Variants in ANK1 observed in about 807,000 individuals in gnomAD.
ANK1 encodes ankyrin-1.
In ANK1, 51 loss-of-function variants were observed where a neutral mutation model predicts 210.4. That is an observed-to-expected ratio of 0.24 (90% CI 0.19 to 0.31). The LOEUF is 0.31. Ranked by LOEUF, ANK1 falls within the 10% of genes least tolerant of loss-of-function variation. ANK1 has a pLI of 1.00. For missense variants in ANK1, 2,051 were observed against 2,504.4 expected, an observed-to-expected ratio of 0.82 and a Z score of 3.86; for synonymous variants, 967 against 1,025.9, an observed-to-expected ratio of 0.94 and a Z score of 1.10.
intron 1 of ANK1, among the ~76,000 whole-genome samples, chr8:41,880,255 G>A (rs1021289772): frequency 1.3e-5 from 2 of 152,174 alleles, no homozygotes; most frequent in Non-Finnish European, 2.9e-5. Flanking sequence ...TTCACGCTCC[G>A]CCGGCGGAGC....
chr8:41,697,657 C>CCTG, intron 24 of ANK1: 1 of 350,160 alleles, frequency 2.9e-6, no homozygotes, highest in Non-Finnish European at 5.6e-6. Flanking sequence ...AGGTGTCCAG[C>CCTG]CCTCCTGCCT....
intron 2 of ANK1, among the ~76,000 whole-genome samples, chr8:41,757,536 T>C (rs912804694): frequency 2.0e-5 from 3 of 152,196 alleles, no homozygotes; most frequent in South Asian, 2.1e-4. Flanking sequence ...TCAGGAGCCC[T>C]GGAGAGCCAG....
At chr8:41,674,626 T>A (rs987267212) in intron 37 of ANK1, among the ~76,000 whole-genome samples, 12 of 152,242 alleles carry the variant, frequency 7.9e-5, no homozygotes, top group African/African-American at 2.7e-4. Flanking sequence ...CTGCAATTGC[T>A]AACATGTACC....
chr8:41,665,901 C>T (rs1056866751), intron 39 of ANK1: 4 of 152,424 alleles, frequency 2.6e-5, no homozygotes, highest in Admixed American at 6.5e-5. Flanking sequence ...CTATCAACGC[C>T]CACTGAGCAG....
At chr8:41,695,155 C>G in intron 27 of ANK1, 22 bp downstream of exon 27, 1 of 1,613,846 alleles carries the variant, frequency 6.2e-7, no homozygotes, top group South Asian at 1.1e-5. Flanking sequence ...GGGGACCCAG[C>G]CCTGGGATCC....
chr8:41,861,884 G>C (rs966064334), intron 1 of ANK1, among the ~76,000 whole-genome samples: 1 of 152,164 alleles, frequency 6.6e-6, no homozygotes, highest in Non-Finnish European at 1.5e-5. Flanking sequence ...AACACACTCA[G>C]CCACTTTCAT....
chr8:41,812,809 C>G (rs951670155), intron 1 of ANK1, among the ~76,000 whole-genome samples: 2 of 152,158 alleles, frequency 1.3e-5, no homozygotes, highest in South Asian at 4.1e-4. Context: ...CAACCTAGAT[C>G]CCTCTCATGC....
intron 2 of ANK1, among the ~76,000 whole-genome samples, chr8:41,744,300 T>G (rs550865139): frequency 6.6e-6 from 1 of 152,162 alleles, no homozygotes; most frequent in South Asian, 2.1e-4. Context: ...GAAGACATGA[T>G]GGAAATGAGG....
intron 1 of ANK1, among the ~76,000 whole-genome samples, chr8:41,817,612 C>T (rs1007393705): frequency 6.6e-6 from 1 of 152,234 alleles, no homozygotes; most frequent in Non-Finnish European, 1.5e-5. Context: ...AAATATTCCT[C>T]TGTTCTAGAG....
chr8:41,699,099 ATCT>A (rs1017295048), intron 23 of ANK1, among the ~76,000 whole-genome samples: 1 of 152,092 alleles, frequency 6.6e-6, no homozygotes, highest in Non-Finnish European at 1.5e-5. Flanking sequence ...GCACCCGGCC[ATCT>A]TCTTCAACTT....
At chr8:41,741,712 C>T (rs1834841213) in intron 2 of ANK1, among the ~76,000 whole-genome samples, 1 of 152,170 alleles carries the variant, frequency 6.6e-6, no homozygotes, top group Admixed American at 6.5e-5. Context: ...TACTCAGCTG[C>T]CTTACTACCT....
At chr8:41,862,805 T>C (rs913136828) in intron 1 of ANK1, among the ~76,000 whole-genome samples, 5 of 150,172 alleles carry the variant, frequency 3.3e-5, no homozygotes, top group African/African-American at 9.8e-5. Flanking sequence ...AGGCCAGGAG[T>C]TCAGGACCAG....
At chr8:41,740,904 C>T (rs893594828) in intron 2 of ANK1, among the ~76,000 whole-genome samples, 1 of 152,206 alleles carries the variant, frequency 6.6e-6, no homozygotes, top group African/African-American at 2.4e-5. Flanking sequence ...GATTAACAGG[C>T]CTGCTCTTAC....
Position 41,672,924 on chromosome 8 carries a change from G to C in ANK1, c.4538-12C>G. 6.3e-7 allele frequency: 1 copy of C among 1,593,522 alleles called. No homozygotes were observed. Among genetic ancestry groups the C allele is most frequent in the South Asian group, 1.1e-5 (1 of 90,322 alleles). ...CAGTGAGGAGTAACCTGGATGGGCA[G>C]ACAGAGGGCAACATGCTCCAGCAGT... is the stretch of plus-strand genomic sequence containing the variant. On this transcript the variant is annotated splice_polypyrimidine_tract_variant and intron_variant, in intron 37 of 42. Coordinates refer to ENST00000289734, the MANE Select transcript of ANK1 (RefSeq NM_000037.4).
chr8:41,749,033 T>TC (rs1434267131), intron 2 of ANK1, among the ~76,000 whole-genome samples: 6 of 127,488 alleles, frequency 4.7e-5, no homozygotes, highest in Non-Finnish European at 1.0e-4. Flanking sequence ...AGACTCCATC[T>TC]CAAAAAAAAA....
At chr8:41,787,356 G>A (rs1158321722) in intron 1 of ANK1, among the ~76,000 whole-genome samples, 1 of 152,226 alleles carries the variant, frequency 6.6e-6, no homozygotes, top group African/African-American at 2.4e-5. Flanking sequence ...CTTCTGTGTA[G>A]TAGAAAGAGC....
At chr8:41,688,908 C>A (rs73617322) in intron 33 of ANK1, among the ~76,000 whole-genome samples, 6,932 of 152,268 alleles carry the variant, frequency 0.046, 474 homozygotes, top group African/African-American at 0.15. Flanking sequence ...TTCATCAATA[C>A]GTAAACTGAG....
At chr8:41,660,245 A>C (rs1807506876) in intron 42 of ANK1, among the ~76,000 whole-genome samples, 1 of 152,124 alleles carries the variant, frequency 6.6e-6, no homozygotes, top group Admixed American at 6.5e-5. Flanking sequence ...GTGCTGAGAT[A>C]TATTGGGAAG....
At chr8:41,758,622 A>G (rs1392971633) in intron 1 of ANK1, among the ~76,000 whole-genome samples, 1 of 152,012 alleles carries the variant, frequency 6.6e-6, no homozygotes, top group Non-Finnish European at 1.5e-5. Context: ...GATTACAGGC[A>G]TGAGCCACCG....
Sources: gnomAD v4.1 joint callset for allele counts (sites outside exome capture counted in the v4.1 genomes callset) on GRCh38, gnomAD v4.1.1 for gene constraint, MANE v1.5 for transcripts, NCBI Gene and HGNC (gene_info 2026-07-23, HGNC 2026-07-21) for gene names.